ANO10: variants seen among roughly 807,000 people sequenced by gnomAD.
ANO10 encodes anoctamin-10.
In ANO10, 77 loss-of-function variants were observed where a neutral mutation model predicts 74.7. That is an observed-to-expected ratio of 1.03 (90% CI 0.86 to 1.25). The LOEUF (loss-of-function observed/expected upper bound fraction) is 1.25, where lower values mean the gene tolerates loss of function less well. Ranked by LOEUF, ANO10 falls within the 50% of genes most tolerant of loss-of-function variation. ANO10 has a pLI of 0.00. For missense variants in ANO10, 721 were observed against 778.1 expected (o/e 0.93, Z 0.87); for synonymous variants, 279 against 284.9 (o/e 0.98, Z 0.21).
intron 4 of ANO10, among the ~76,000 whole-genome samples, chr3:43,595,990 C>G (rs2082064500): frequency 6.6e-6 from 1 of 152,128 alleles, no homozygotes; most frequent in Non-Finnish European, 1.5e-5. Context: ...AGAGCCAAAT[C>G]ATGAGTGAAC....
In ANO10 at chr3:43,380,471, A is replaced by C. The variant is rs529498658; in HGVS notation, c.1915-13497T>G. Among the ~76,000 whole-genome samples the C allele has an allele frequency of 3.3e-5, 5 of 152,328 alleles. No individual in the cohort carries two copies. In the South Asian group the frequency reaches 1.0e-3, roughly 32 times the overall value. On this transcript the variant is annotated intron_variant, in intron 12 of 12. Coordinates refer to ENST00000292246, the MANE Select transcript of ANO10 (RefSeq NM_018075.5). ...ACCTACAAAGGAACCTATCAGATTA[A>C]CCTATCAGATTAACAGCAGATTTCT...
intron 3 of ANO10, among the ~76,000 whole-genome samples, chr3:43,599,609 G>C (rs1300666749): frequency 6.6e-6 from 1 of 152,080 alleles, no homozygotes; most frequent in African/African-American, 2.4e-5. Flanking sequence ...TGTAGAGTTA[G>C]AAAATATAAT....
intron 1 of ANO10, among the ~76,000 whole-genome samples, chr3:43,676,128 C>A (rs1029862134): frequency 1.3e-5 from 2 of 152,076 alleles, no homozygotes; most frequent in Non-Finnish European, 2.9e-5. Context: ...CAATTTTAAT[C>A]TCCAAATAAT....
intron 1 of ANO10, among the ~76,000 whole-genome samples, chr3:43,684,053 C>G (rs1400034631): frequency 6.6e-6 from 1 of 152,078 alleles, no homozygotes. Context: ...CCGAAAGCAA[C>G]AGCAACAAAA....
intron 11 of ANO10, among the ~76,000 whole-genome samples, chr3:43,549,155 T>G (rs1340868325): frequency 5.3e-5 from 8 of 151,704 alleles, no homozygotes; most frequent in African/African-American, 1.7e-4. Flanking sequence ...CAGGCTGGAG[T>G]GCAATGGTGC....
At position 43,670,811 on chromosome 3, in the gene ANO10, GCTAA is replaced by G. The variant is rs1277550256; in HGVS notation, c.-12+20702_-12+20705del. Among the ~76,000 whole-genome samples the G allele has an allele frequency of 3.9e-5, 6 of 152,292 alleles. No homozygotes were observed. The East Asian group carries it at 7.7e-4, about 20-fold the overall frequency. On this transcript the variant is annotated intron_variant, in intron 1 of 3. Coordinates refer to the ANO10 transcript ENST00000413397. Reference sequence around the variant, plus strand: ...TGTCAGTTTCATAGACAGCCACACTGCTAACTCTTTCAACTGCCCTACAACAGAT... The same window carrying G: ...TGTCAGTTTCATAGACAGCCACACTGCTCTTTCAACTGCCCTACAACAGAT...
Position 43,561,393 on chromosome 3 carries a change from T to C in ANO10, c.1303A>G (p.Thr435Ala), listed in dbSNP as rs566445796. 5.6e-6 allele frequency: 9 copies of C among 1,613,862 alleles called. No homozygotes were observed. The African/African-American group carries it at 8.0e-5, about 14-fold the overall frequency. ...DMKLLRQSLATLLITSQILNQ... is the reference protein window; with the variant it reads ...DMKLLRQSLAALLITSQILNQ... The stretch of plus-strand genomic sequence containing the variant: ...AGGATCTGGGAGGTAATTAGGAGAG[T>C]GGCCAAGCTCTAAAGAGAAGCACAC... The change falls in exon 9 of 13, where the codon ACT becomes GCT. Residue 435 changes from threonine (T) to alanine (A), a missense_variant. By Grantham distance (58) the Thr-to-Ala change is moderately conservative. Transcript: ENST00000292246.
chr3:43,511,376 C>T (rs865775887), intron 11 of ANO10, among the ~76,000 whole-genome samples: 9 of 152,150 alleles, frequency 5.9e-5, no homozygotes, highest in African/African-American at 9.7e-5. Context: ...AATGTCCTAG[C>T]TCTAGGCTGA....
At chr3:43,552,485 G>A (rs1016966694) in intron 10 of ANO10, among the ~76,000 whole-genome samples, 44 of 151,682 alleles carry the variant, frequency 2.9e-4, no homozygotes, top group African/African-American at 1.0e-3. Context: ...AACTCAATAA[G>A]AGAAGAAAAG....
chr3:43,421,588 GC>G (rs2092820784), intron 12 of ANO10, among the ~76,000 whole-genome samples: 1 of 152,054 alleles, frequency 6.6e-6, no homozygotes, highest in Non-Finnish European at 1.5e-5. Context: ...ACTTTAGGAG[GC>G]CCAGGTGGGC....
chr3:43,511,094 C>G (rs1179405057), intron 11 of ANO10, among the ~76,000 whole-genome samples: 1 of 152,140 alleles, frequency 6.6e-6, no homozygotes, highest in African/African-American at 2.4e-5. Context: ...ATTTCATGCT[C>G]TTTATGATTT....
intron 12 of ANO10, among the ~76,000 whole-genome samples, chr3:43,419,949 T>G (rs1257856580): frequency 1.3e-5 from 2 of 152,264 alleles, no homozygotes. Flanking sequence ...AAAGAGTTCT[T>G]AAATCCAAAC....
intron 11 of ANO10, among the ~76,000 whole-genome samples, chr3:43,513,089 T>A (rs1575311084): frequency 6.6e-6 from 1 of 152,126 alleles, no homozygotes; most frequent in East Asian, 1.9e-4. Flanking sequence ...TCCCTCAAGT[T>A]TTCAGTAGAG....
chr3:43,429,889 CA>C (rs1445900336), intron 12 of ANO10, among the ~76,000 whole-genome samples: 2 of 152,098 alleles, frequency 1.3e-5, no homozygotes, highest in African/African-American at 4.8e-5. Context: ...TTTTCAGATA[CA>C]ACCATTACCC....
chr3:43,666,698 T>G (rs1206864383), intron 1 of ANO10, among the ~76,000 whole-genome samples: 1 of 152,098 alleles, frequency 6.6e-6, no homozygotes, highest in African/African-American at 2.4e-5. Flanking sequence ...TTCTCACAGT[T>G]CTGGGGGCTG....
intron 7 of ANO10, among the ~76,000 whole-genome samples, chr3:43,567,059 A>G (rs374272804): frequency 0.1 from 15,898 of 152,128 alleles, 1,531 homozygotes; most frequent in African/African-American, 0.25. Flanking sequence ...GAGCTGATGC[A>G]ATCAACTGGA....
intron 11 of ANO10, among the ~76,000 whole-genome samples, chr3:43,518,865 C>A (rs556457154): frequency 2.6e-5 from 4 of 152,276 alleles, no homozygotes; most frequent in East Asian, 1.9e-4. Flanking sequence ...CATGAAACTT[C>A]ATCAGCAATT....
At chr3:43,566,870 C>A (rs545277265) in intron 7 of ANO10, among the ~76,000 whole-genome samples, 2,560 of 152,148 alleles carry the variant, frequency 0.017, 64 homozygotes, top group African/African-American at 0.057. Flanking sequence ...AGGCTTCAGA[C>A]GATCAAATTA....
intron 11 of ANO10, among the ~76,000 whole-genome samples, chr3:43,465,490 C>T (rs898342234): frequency 6.6e-6 from 1 of 152,080 alleles, no homozygotes; most frequent in Non-Finnish European, 1.5e-5. Context: ...CCTGTCTCTA[C>T]TAAAAATACA....
Sources: gnomAD v4.1 joint callset for allele counts (sites outside exome capture counted in the v4.1 genomes callset) on GRCh38, gnomAD v4.1.1 for gene constraint, MANE v1.5 for transcripts, NCBI Gene and HGNC (gene_info 2026-07-23, HGNC 2026-07-21) for gene names.